The following DLL4 variants were observed in gnomAD, a reference collection of about 807,000 sequenced individuals.
DLL4 encodes the protein delta-like protein 4.
In DLL4, 7 loss-of-function variants were observed where a neutral mutation model predicts 73.6. That is an observed-to-expected ratio of 0.10 (90% confidence interval 0.05 to 0.18). The LOEUF is 0.18. Among genes scored for constraint, DLL4 ranks in the 10% least tolerant of loss-of-function variants. DLL4 has a pLI of 1.00. For missense variants in DLL4, 614 were observed against 929.9 expected, an observed-to-expected ratio of 0.66 and a Z score of 4.42; for synonymous variants, 345 against 374.3, an observed-to-expected ratio of 0.92 and a Z score of 0.90.
At position 40,930,935 on chromosome 15, in the gene DLL4, C is replaced by T. The variant is rs1892760951; in HGVS notation, c.394+253C>T. 6.9e-6 allele frequency: 4 copies of T among 576,836 alleles called. No homozygotes were observed. In the East Asian group the frequency reaches 1.2e-4, roughly 17 times the overall value. The allele number at this position is 576,836 out of a possible 1,614,324, so 35.7% of individuals were successfully genotyped here. ...CGGTGAGAAAGGCTGAAGCTGCCAGCGCCGCTGACGGGCCCCTTCCTGTAT... is the reference window on the plus strand; with the variant it reads ...CGGTGAGAAAGGCTGAAGCTGCCAGTGCCGCTGACGGGCCCCTTCCTGTAT... On this transcript the variant is annotated intron_variant, in intron 3 of 10. Coordinates refer to ENST00000249749, the MANE Select transcript of DLL4 (RefSeq NM_019074.4). The surrounding 1 kb of genome is among the most constrained non-coding windows in gnomAD (Gnocchi z 5.7).
chr15:40,936,286 G>T lies in DLL4; in HGVS notation c.1299G>T (p.Thr433=). ...SRMCRCRPGF[T]GTYCELHVSD... is the part of the protein sequence containing the mutation. ...TGTGCCGCTGCCGTCCTGGATTCAC[G>T]GGCACCTACTGTGAACTCCACGTCA... The change falls in exon 9 of 11, where the codon ACG becomes ACT. Residue 433 remains threonine, a synonymous_variant. Transcript: ENST00000249749. 6.2e-7 allele frequency: 1 copy of T among 1,609,082 alleles called. No homozygotes were observed. The highest frequency in any genetic ancestry group is 2.2e-5 in the East Asian group (1 of 44,728).
At chr15:40,935,266 G>T in intron 8 of DLL4, 149 bp downstream of exon 8, 1 of 843,524 alleles carries the variant, frequency 1.2e-6, no homozygotes, top group Non-Finnish European at 1.8e-6. Flanking sequence ...TTGATCAGCT[G>T]GGGGGCTGTG....
At chr15:40,937,904 GACTGCCCCACCTGCCCTTAGC>G (rs1892867764) in intron 10 of DLL4, 104 bp from the exon 11 acceptor site, 2 of 1,146,828 alleles carry the variant, frequency 1.7e-6, no homozygotes, top group African/African-American at 3.1e-5. Flanking sequence ...GACTGGGGAG[GACTGCCCCACCTGCCCTTAGC>G]CCCTGCCTGC....
intron 9 of DLL4, 130 bp from the exon 10 acceptor site, chr15:40,937,288 A>C (rs1289157793): frequency 1.4e-6 from 1 of 731,300 alleles, no homozygotes; most frequent in Non-Finnish European, 2.4e-6. Context: ...GCAGCCCAGC[A>C]CTGGGCACGT....
Position 40,934,624 on chromosome 15 carries a change from C to T in DLL4, c.927C>T (p.Thr309=). ...TCSNSGQRSY[T]CTCRPGYTGV... Reference sequence around the variant, plus strand: ...CCAACAGTGGGCAGCGAAGCTACACCTGCACCTGTCGCCCAGGCTACACTG... The same window carrying T: ...CCAACAGTGGGCAGCGAAGCTACACTTGCACCTGTCGCCCAGGCTACACTG... Residue 309 remains threonine, a synonymous_variant, in exon 7 of 11, where the codon ACC becomes ACT. Coordinates refer to ENST00000249749, the MANE Select transcript of DLL4 (RefSeq NM_019074.4). 1 of 1,613,926 alleles carries T rather than the reference C, an allele frequency of 6.2e-7. No individual in the cohort carries two copies. The highest frequency in any genetic ancestry group is 8.5e-7 in the Non-Finnish European group (1 of 1,179,882).
Position 40,930,371 on chromosome 15 carries a change from G to C in DLL4, c.337-254G>C. ...ACGATTTTCATTACCTACCACTCTGGGGCGGTACCCTACCACCCCCTCCTC... is the reference window on the plus strand; with the variant it reads ...ACGATTTTCATTACCTACCACTCTGCGGCGGTACCCTACCACCCCCTCCTC... On this transcript the variant is annotated intron_variant, in intron 2 of 10. Transcript: ENST00000249749. The surrounding 1 kb of genome is among the most constrained non-coding windows in gnomAD (Gnocchi z 5.7). 1.6e-6 allele frequency: 1 copy of C among 635,568 alleles called. No individual in the cohort carries two copies. Among genetic ancestry groups the C allele is most frequent in the East Asian group, 2.7e-5 (1 of 36,510 alleles). The allele number at this position is 635,568 out of a possible 1,614,324, so 39.4% of individuals were successfully genotyped here.
chr15:40,938,145 C>CAGG lies in DLL4; in HGVS notation c.*121_*123dup. The CAGG allele has an allele frequency of 8.1e-7, 1 of 1,238,780 alleles. No homozygotes were observed. Among genetic ancestry groups the CAGG allele is most frequent in the Non-Finnish European group, 1.1e-6 (1 of 929,098 alleles). 76.7% of individuals were successfully genotyped at this position (1,238,780 alleles called of 1,614,324 possible). ...TTTTTCATATGCAACGTGCTGCTCT[C>CAGG]AGGAGGAGGAGGGAATGGCAGGAAC... On this transcript the variant is annotated 3_prime_UTR_variant, in exon 11 of 11. Coordinates refer to ENST00000249749, the MANE Select transcript of DLL4 (RefSeq NM_019074.4).
rs113508793 is a variant in DLL4, at chr15:40,933,268, TTGTG to T, written c.850+849_850+852del. ...AGGGGCTTGGGATTCAGTCCCTGTGTTGTGTGTGTGTGTGTGTGTGTGTGTGTGT... is the reference window on the plus strand; with the variant it reads ...AGGGGCTTGGGATTCAGTCCCTGTGTTGTGTGTGTGTGTGTGTGTGTGTGT... On this transcript the variant is annotated intron_variant, in intron 6 of 10. Transcript: ENST00000249749. Among the ~76,000 whole-genome samples, 725 of 147,442 alleles carry T rather than the reference TTGTG, an allele frequency of 4.9e-3. 5 individuals are homozygous for T. Among genetic ancestry groups the T allele is most frequent in the South Asian group, 0.016 (74 of 4,560 alleles).
At chr15:40,933,176 G>A (rs1892793469) in intron 6 of DLL4, among the ~76,000 whole-genome samples, 1 of 152,216 alleles carries the variant, frequency 6.6e-6, no homozygotes, top group Admixed American at 6.5e-5. Flanking sequence ...GCGCAGGCCT[G>A]GGTAGGGTGG....
rs75466578 is a variant in DLL4 at position 40,932,911 on chromosome 15, G to A, written c.850+464G>A. ...CTGTGGGTGAGCTGGGCCTCTGGGC[G>A]GAGTGGCATCTAACCGACTTTTCGG... On this transcript the variant is annotated intron_variant, in intron 6 of 10. Transcript: ENST00000249749. 6.6e-3 allele frequency among the ~76,000 whole-genome samples: 998 copies of A among 152,312 alleles called. 16 individuals carry two copies. Among genetic ancestry groups the A allele is most frequent in the African/African-American group, 0.023 (946 of 41,552 alleles).
At chr15:40,934,465 T>G in intron 6 of DLL4, 83 bp from the exon 7 acceptor site, 4 of 1,459,138 alleles carry the variant, frequency 2.7e-6, no homozygotes, top group Non-Finnish European at 3.7e-6. Flanking sequence ...GAGCCAAACA[T>G]GGGGGCAAAC....
At chr15:40,937,600 C>G in intron 10 of DLL4, 74 bp downstream of exon 10, 1 of 1,122,842 alleles carries the variant, frequency 8.9e-7, no homozygotes, top group Non-Finnish European at 1.4e-6. Flanking sequence ...GACCCATGGG[C>G]CATTCCTGAA....
chr15:40,937,855 G>T (rs1329850931), intron 10 of DLL4, among the ~76,000 whole-genome samples, 174 bp from the exon 11 acceptor site: 1 of 152,152 alleles, frequency 6.6e-6, no homozygotes, highest in South Asian at 2.1e-4. Flanking sequence ...TTGACCTCAT[G>T]AGCGCAAGCT....
chr15:40,935,228 C>G (rs1892826526), intron 8 of DLL4, 111 bp downstream of exon 8: 1 of 1,100,494 alleles, frequency 9.1e-7, no homozygotes. Context: ...TCTGGCCCCC[C>G]ATCTGCTCTG....
In DLL4 at chr15:40,929,789, C is replaced by A; in HGVS notation, c.66+55C>A. ...TCTGCCGCGCTCTGGGCCTCAGCCCCGGGCACCAGCTGAGCTGACCGGTCC... is the reference window on the plus strand; with the variant it reads ...TCTGCCGCGCTCTGGGCCTCAGCCCAGGGCACCAGCTGAGCTGACCGGTCC... On this transcript the variant is annotated intron_variant, in intron 1 of 10. Transcript: ENST00000249749. This position sits in a 1 kb window ranked among gnomAD's most constrained non-coding sequence, Gnocchi z 7.1. The A allele has an allele frequency of 6.2e-7, 1 of 1,606,914 alleles. No individual in the cohort carries two copies. The highest frequency in any genetic ancestry group is 1.7e-5 in the Admixed American group (1 of 59,856).
intron 8 of DLL4, among the ~76,000 whole-genome samples, chr15:40,935,512 G>A (rs1169235617): frequency 6.6e-6 from 1 of 152,224 alleles, no homozygotes; most frequent in African/African-American, 2.4e-5. Context: ...CCCGTGCCCA[G>A]GTAGAGCATG....
Position 40,929,374 on chromosome 15 carries a change from G to T in DLL4, c.-295G>T. 2.4e-6 allele frequency: 1 copy of T among 420,876 alleles called. No individual in the cohort carries two copies. Among genetic ancestry groups the T allele is most frequent in the Non-Finnish European group, 4.2e-6 (1 of 239,032 alleles). The allele number at this position is 420,876 out of a possible 1,614,324, so 26.1% of individuals were successfully genotyped here. On this transcript the variant is annotated 5_prime_UTR_variant, in exon 1 of 11. Transcript: ENST00000249749. The surrounding 1 kb of genome is among the most constrained non-coding windows in gnomAD (Gnocchi z 7.1). ...GCTGCGCGCAGGCCGGGAACACGAG[G>T]CCAAGAGCCGCAGCCCCAGCCGCCT...
intron 6 of DLL4, among the ~76,000 whole-genome samples, chr15:40,934,086 C>T (rs1200813466): frequency 6.9e-6 from 1 of 144,116 alleles, no homozygotes; most frequent in African/African-American, 2.6e-5. Flanking sequence ...AATCCCAGCA[C>T]TTTGGGAGGC....
In DLL4 at chr15:40,936,586, G is replaced by A. The variant is rs549126795; in HGVS notation, c.1599G>A (p.Ser533=). 1.1e-4 allele frequency: 178 copies of A among 1,609,070 alleles called. 1 individual carries two copies. The highest frequency in any genetic ancestry group is 2.0e-4 in the East Asian group (9 of 44,722). The part of the protein sequence containing the change: ...LPPSFPWVAV[S]LGVGLAVLLV... ...CCAGCTTCCCCTGGGTGGCCGTCTC[G>A]CTGGGTGTGGGGCTGGCAGTGCTGC... The change falls in exon 9 of 11, where the codon TCG becomes TCA. Residue 533 remains serine, a synonymous_variant. Coordinates refer to ENST00000249749, the MANE Select transcript of DLL4 (RefSeq NM_019074.4).
Sources: allele counts gnomAD v4.1 joint callset (sites outside exome capture counted in the v4.1 genomes callset), GRCh38; gene constraint gnomAD v4.1.1; non-coding constraint Gnocchi (gnomAD v3.1); transcripts MANE v1.5; gene names NCBI Gene and HGNC (gene_info 2026-07-23, HGNC 2026-07-21).